Variants in MARVELD2 observed in about 807,000 individuals in gnomAD.
The protein encoded by MARVELD2 is MARVEL domain containing 2, also known as MARVEL domain-containing protein 2.
Under a neutral mutation model 57.6 loss-of-function variants are expected in MARVELD2, and 49 were observed. The observed-to-expected ratio is 0.85, with a 90% CI of 0.68 to 1.08. The LOEUF (loss-of-function observed/expected upper bound fraction) is 1.08, where lower values mean the gene tolerates loss of function less well. Ranked by LOEUF, MARVELD2 falls within the 50% of genes least tolerant of loss-of-function variation. The pLI, the probability that MARVELD2 is intolerant of heterozygous loss-of-function variation, is 0.00. For missense variants in MARVELD2, 606 were observed against 701.1 expected (o/e 0.86, Z 1.53); for synonymous variants, 238 against 258.8 (o/e 0.92, Z 0.77).
chr5:69,423,157 G>C (rs113280454), intron 2 of MARVELD2, among the ~76,000 whole-genome samples: 50 of 152,252 alleles, frequency 3.3e-4, no homozygotes, highest in African/African-American at 1.1e-3. Flanking sequence ...TGGCCTCCCA[G>C]AGTGATAGGA....
chr5:69,434,823 A>G (rs899685872), intron 5 of MARVELD2, among the ~76,000 whole-genome samples: 5 of 150,296 alleles, frequency 3.3e-5, no homozygotes, highest in Admixed American at 6.6e-5. Flanking sequence ...CGGCCTCCCA[A>G]GTAGCTGGGA....
rs1223189381 is a variant in MARVELD2, at chr5:69,442,844, T to G, written c.*1190T>G. 1 of 151,054 alleles carries G rather than the reference T, an allele frequency of 6.6e-6. No individual in the cohort carries two copies. The highest frequency in any genetic ancestry group is 1.5e-5 in the Non-Finnish European group (1 of 67,890). The allele number at this position is 151,054 out of a possible 1,614,324, so 9.4% of individuals were successfully genotyped here. ...GGTATTGCTTTTTTTTTTTTTTTTT[T>G]GTGAGACAGAGTCTTACTCTGTTGC... On this transcript the variant is annotated 3_prime_UTR_variant, in exon 7 of 7. Transcript: ENST00000325631.
intron 1 of MARVELD2, chr5:69,415,670 G>T (rs1421849581): frequency 6.6e-6 from 1 of 152,234 alleles, no homozygotes; most frequent in Non-Finnish European, 1.5e-5. Context: ...CCTCGGAAGC[G>T]CAGAAGTATC....
chr5:69,435,113 C>G (rs1214052941), intron 5 of MARVELD2, among the ~76,000 whole-genome samples: 5 of 151,020 alleles, frequency 3.3e-5, no homozygotes, highest in Non-Finnish European at 7.4e-5. Context: ...ACCTTTGCCT[C>G]CCAGGTTACG....
At chr5:69,437,619 G>T (rs1451945562) in intron 5 of MARVELD2, among the ~76,000 whole-genome samples, 1 of 152,032 alleles carries the variant, frequency 6.6e-6, no homozygotes, top group South Asian at 2.1e-4. Flanking sequence ...GGGAGGCGGA[G>T]GTTGCAGTGA....
intron 1 of MARVELD2, chr5:69,415,735 G>A (rs1561286946): frequency 6.6e-6 from 1 of 152,226 alleles, no homozygotes; most frequent in Non-Finnish European, 1.5e-5. Context: ...GTAAACCGGT[G>A]GTTCTGTTTG....
chr5:69,426,752 C>T (rs1336234430), intron 3 of MARVELD2, among the ~76,000 whole-genome samples: 4 of 152,118 alleles, frequency 2.6e-5, no homozygotes, highest in African/African-American at 4.8e-5. Flanking sequence ...TGAGGGCAGC[C>T]GCAAACTCCT....
At chr5:69,429,125 G>A (rs750663879) in intron 3 of MARVELD2, among the ~76,000 whole-genome samples, 2 of 152,092 alleles carry the variant, frequency 1.3e-5, no homozygotes, top group African/African-American at 2.4e-5. Context: ...ACCAAGTGGC[G>A]AGGCATGCTT....
chr5:69,441,361 A>T (rs1439897999), intron 6 of MARVELD2, among the ~76,000 whole-genome samples, 171 bp from the exon 7 acceptor site: 1 of 151,942 alleles, frequency 6.6e-6, no homozygotes, highest in Non-Finnish European at 1.5e-5. Context: ...ACTGCTCTAA[A>T]AAAAAAAGTA....
chr5:69,425,735 CTT>C (rs11396193), intron 3 of MARVELD2, among the ~76,000 whole-genome samples: 71 of 140,900 alleles, frequency 5.0e-4, no homozygotes, highest in Non-Finnish European at 6.5e-4. Context: ...AATAATAATA[CTT>C]TTTTTTTTTT....
intron 5 of MARVELD2, among the ~76,000 whole-genome samples, chr5:69,436,483 G>A (rs1767147568): frequency 6.9e-6 from 1 of 145,602 alleles, no homozygotes; most frequent in Admixed American, 7.0e-5. Context: ...TGAGAAGTTA[G>A]GTGTCTTTGT....
intron 5 of MARVELD2, among the ~76,000 whole-genome samples, chr5:69,439,034 G>C (rs1232937163): frequency 1.4e-5 from 2 of 138,222 alleles, no homozygotes; most frequent in Non-Finnish European, 3.0e-5. Flanking sequence ...CTGCCTTCCA[G>C]CTTGGGCAAC....
At chr5:69,436,783 A>C (rs575959376) in intron 5 of MARVELD2, among the ~76,000 whole-genome samples, 1 of 152,248 alleles carries the variant, frequency 6.6e-6, no homozygotes, top group African/African-American at 2.4e-5. Context: ...CTGGATCAGC[A>C]CAGGCTGGGA....
chr5:69,419,710 A>C lies in MARVELD2; in HGVS notation c.325A>C (p.Ile109Leu). 1 of 1,614,152 alleles carries C rather than the reference A, an allele frequency of 6.2e-7. No homozygotes were observed. Among genetic ancestry groups the C allele is most frequent in the African/African-American group, 1.3e-5 (1 of 75,052 alleles). The change falls in exon 2 of 7, where the codon ATC becomes CTC. Residue 109 changes from isoleucine (I) to leucine (L), a missense_variant. By Grantham distance (5) the Ile-to-Leu change is conservative. Transcript: ENST00000325631. ...WDKPVSDIRY[I>L]SDGVECSPPA... ...TAAGCCGGTGTCTGATATCAGGTAC[A>C]TCTCCGATGGAGTGGAGTGTTCACC...
intron 5 of MARVELD2, among the ~76,000 whole-genome samples, chr5:69,434,321 G>A (rs946232158): frequency 2.6e-5 from 4 of 151,980 alleles, no homozygotes; most frequent in African/African-American, 4.8e-5. Flanking sequence ...AAAATTAGCC[G>A]GGCATGGTGG....
In MARVELD2 at chr5:69,419,930, G is replaced by T; in HGVS notation, c.545G>T (p.Arg182Ile). 2 of 1,614,146 alleles carry T rather than the reference G, an allele frequency of 1.2e-6. No homozygotes were observed. Among genetic ancestry groups the T allele is most frequent in the Non-Finnish European group, 1.7e-6 (2 of 1,180,030 alleles). ...YSEKVEEYNL[R>I]YSYMKSWAGL... ...GAGAAGGTGGAGGAGTATAACCTGA[G>T]ATACTCCTACATGAAGTCGTGGGCA... The change falls in exon 2 of 7, where the codon AGA becomes ATA. Residue 182 changes from arginine to isoleucine, a missense_variant. By Grantham distance (97) the Arg-to-Ile change is moderately conservative. Transcript: ENST00000325631.
intron 1 of MARVELD2, among the ~76,000 whole-genome samples, chr5:69,417,573 G>A (rs1480859851): frequency 6.6e-6 from 1 of 152,164 alleles, no homozygotes; most frequent in East Asian, 1.9e-4. Flanking sequence ...GGTGGCCAAG[G>A]CAGGAGGATC....
In MARVELD2 at chr5:69,420,449, A is replaced by T; in HGVS notation, c.1064A>T (p.Tyr355Phe). ...MIFLFVTMIVYLISALVCLKL... is the reference protein window; with the variant it reads ...MIFLFVTMIVFLISALVCLKL... ...TTCCTGTTTGTCACCATGATAGTTT[A>T]TCTCATTAGTGCTTTGGTTTGCCTA... is the stretch of plus-strand genomic sequence containing the variant. Residue 355 changes from tyrosine to phenylalanine, a missense_variant, in exon 2 of 7, where the codon TAT (tyrosine) becomes TTT (phenylalanine). Physicochemically the swap from Tyr to Phe is conservative, Grantham distance 22. Coordinates refer to ENST00000325631, the MANE Select transcript of MARVELD2 (RefSeq NM_001038603.3). 1 of 1,613,794 alleles carries T rather than the reference A, an allele frequency of 6.2e-7. No homozygotes were observed. The highest frequency in any genetic ancestry group is 8.5e-7 in the Non-Finnish European group (1 of 1,180,028).
At chr5:69,435,311 GC>G (rs958807327) in intron 5 of MARVELD2, among the ~76,000 whole-genome samples, 15 of 151,864 alleles carry the variant, frequency 9.9e-5, no homozygotes, top group Non-Finnish European at 2.1e-4. Flanking sequence ...ACTGCATCCG[GC>G]CCAGATGTAC....
Sources: allele counts gnomAD v4.1 joint callset (sites outside exome capture counted in the v4.1 genomes callset), GRCh38; gene constraint gnomAD v4.1.1; transcripts MANE v1.5; gene names NCBI Gene and HGNC (gene_info 2026-07-23, HGNC 2026-07-21).